DOCK7: variants seen among roughly 807,000 people sequenced by gnomAD.
The protein encoded by DOCK7 is dedicator of cytokinesis 7.
A neutral mutation model predicts 271.0 loss-of-function variants in DOCK7; 138 were observed. The observed-to-expected ratio is 0.51, with a 90% CI of 0.44 to 0.59. The LOEUF is 0.59. DOCK7 is among the 20% of genes least tolerant of loss of function. The pLI, the probability that DOCK7 is intolerant of heterozygous loss-of-function variation, is 0.00. For missense variants in DOCK7, 2,066 were observed against 2,592.4 expected, an observed-to-expected ratio of 0.80 and a Z score of 4.41; for synonymous variants, 823 against 876.1, an observed-to-expected ratio of 0.94 and a Z score of 1.07.
intron 1 of DOCK7, among the ~76,000 whole-genome samples, chr1:62,671,603 AT>A (rs1660012290): frequency 6.6e-6 from 1 of 152,196 alleles, no homozygotes; most frequent in Non-Finnish European, 1.5e-5. Flanking sequence ...TTCATAAGTG[AT>A]GTTGGTTTCT....
intron 31 of DOCK7, among the ~76,000 whole-genome samples, chr1:62,524,606 A>G (rs1411237718): frequency 6.6e-6 from 1 of 151,922 alleles, no homozygotes; most frequent in Non-Finnish European, 1.5e-5. Context: ...AAACTAAACT[A>G]CAGTATTTTG....
At chr1:62,642,386 G>C (rs1469994690) in intron 7 of DOCK7, among the ~76,000 whole-genome samples, 1 of 152,126 alleles carries the variant, frequency 6.6e-6, no homozygotes, top group Non-Finnish European at 1.5e-5. Context: ...TTATAGGCGT[G>C]AGCCACCGTG....
chr1:62,485,041 G>A, intron 43 of DOCK7: 2 of 599,874 alleles, frequency 3.3e-6, no homozygotes, highest in Non-Finnish European at 4.2e-6. Flanking sequence ...GGCTGAGGTG[G>A]GAAGATCACC....
intron 29 of DOCK7, among the ~76,000 whole-genome samples, chr1:62,534,474 G>A (rs942050418): frequency 2.0e-5 from 3 of 152,086 alleles, no homozygotes; most frequent in Non-Finnish European, 2.9e-5. Flanking sequence ...AATTAGCCGG[G>A]AGTGGTGGCA....
intron 33 of DOCK7, among the ~76,000 whole-genome samples, 167 bp downstream of exon 33, chr1:62,513,277 A>C (rs1644552718): frequency 9.1e-6 from 1 of 109,674 alleles, no homozygotes; most frequent in Admixed American, 1.3e-4. Context: ...CGGTATGCTG[A>C]CTCACCTAAA....
chr1:62,553,335 T>C (rs1645994313), intron 21 of DOCK7, among the ~76,000 whole-genome samples: 2 of 3,888 alleles, frequency 5.1e-4, no homozygotes, highest in Admixed American at 8.9e-3. Context: ...TATATATATA[T>C]ATATATATAT....
At chr1:62,485,334 G>T in intron 43 of DOCK7, 1 of 985,166 alleles carries the variant, frequency 1.0e-6, no homozygotes, top group South Asian at 4.7e-5. Flanking sequence ...AAGTTTTAGA[G>T]TTATCTTTCA....
At chr1:62,677,073 C>T (rs1001347535) in intron 1 of DOCK7, among the ~76,000 whole-genome samples, 4 of 152,214 alleles carry the variant, frequency 2.6e-5, no homozygotes, top group Admixed American at 1.3e-4. Context: ...TGTGGAACCA[C>T]TATAAATGAC....
chr1:62,651,333 G>C (rs1196337888), intron 4 of DOCK7, among the ~76,000 whole-genome samples: 4 of 148,000 alleles, frequency 2.7e-5, no homozygotes, highest in Admixed American at 1.4e-4. Flanking sequence ...ATAGCATTAG[G>C]AGATATACCT....
chr1:62,466,501 G>T (rs1249201827), intron 48 of DOCK7, among the ~76,000 whole-genome samples: 1 of 152,202 alleles, frequency 6.6e-6, no homozygotes, highest in African/African-American at 2.4e-5. Context: ...TGGGTGCTTT[G>T]TCCATGAAGT....
Position 62,487,428 on chromosome 1 carries a change from TA to T in DOCK7, c.5494-17del. On this transcript the variant is annotated splice_polypyrimidine_tract_variant and intron_variant, in intron 42 of 49. Transcript: ENST00000635253. ...AGCCAGTACTCTGTATAATAAAAAGTAAAAAAGGGCAAGTCATAAAAAAACT... is the reference window on the plus strand; with the variant it reads ...AGCCAGTACTCTGTATAATAAAAAGTAAAAAGGGCAAGTCATAAAAAAACT... The T allele has an allele frequency of 6.2e-7, 1 of 1,609,426 alleles. No homozygotes were observed. Among genetic ancestry groups the T allele is most frequent in the Non-Finnish European group, 8.5e-7 (1 of 1,177,218 alleles).
rs1322758993 is a variant in DOCK7 at position 62,648,500 on chromosome 1, T to G, written c.434A>C (p.Lys145Thr). The change falls in exon 5 of 50, where the codon AAA becomes ACA. Residue 145 changes from lysine (K) to threonine (T), a missense_variant. By Grantham distance (78) the Lys-to-Thr change is moderately conservative (BLOSUM62 -1). Coordinates refer to ENST00000635253, the MANE Select transcript of DOCK7 (RefSeq NM_001367561.1). ...GTGFNPNTLD[K>T]QKERQKGLPK... ...CAAACCTTTTTGCCTTTCTTTCTGTTTATCTAATGTATTGGGATTAAATCC... is the reference window on the plus strand; with the variant it reads ...CAAACCTTTTTGCCTTTCTTTCTGTGTATCTAATGTATTGGGATTAAATCC... The G allele has an allele frequency of 1.3e-6, 2 of 1,487,490 alleles. No homozygotes were observed. Among genetic ancestry groups the G allele is most frequent in the Non-Finnish European group, 1.8e-6 (2 of 1,103,184 alleles). The allele number at this position is 1,487,490 out of a possible 1,614,324, so 92.1% of individuals were successfully genotyped here. A position where few individuals can be genotyped will look rare whatever the true frequency, so the allele number is the denominator to read the frequency against.
chr1:62,476,787 A>C (rs1402913742), intron 44 of DOCK7, among the ~76,000 whole-genome samples: 1 of 152,206 alleles, frequency 6.6e-6, no homozygotes, highest in Non-Finnish European at 1.5e-5. Flanking sequence ...AGAAACCCCC[A>C]CTGCTATCCC....
At chr1:62,604,617 T>C (rs1650684340) in intron 14 of DOCK7, 3 of 1,612,074 alleles carry the variant, frequency 1.9e-6, no homozygotes, top group African/African-American at 1.3e-5. Flanking sequence ...TTAAATTGCA[T>C]ATCTATCTCC....
intron 31 of DOCK7, among the ~76,000 whole-genome samples, chr1:62,525,486 C>T (rs1290385231): frequency 1.3e-5 from 2 of 152,016 alleles, no homozygotes; most frequent in Non-Finnish European, 2.9e-5. Flanking sequence ...TGTTTTAAAA[C>T]CTCATTATGT....
chr1:62,680,729 T>G (rs1394943354), intron 1 of DOCK7, among the ~76,000 whole-genome samples: 2 of 151,582 alleles, frequency 1.3e-5, no homozygotes, highest in African/African-American at 2.4e-5. Flanking sequence ...GCAAAGGATA[T>G]GAACAGACAC....
chr1:62,548,455 C>G (rs1268897277), intron 22 of DOCK7, among the ~76,000 whole-genome samples: 2 of 145,398 alleles, frequency 1.4e-5, no homozygotes, highest in African/African-American at 5.1e-5. Flanking sequence ...GAGTCTAGCT[C>G]TGTTGCCCAG....
intron 33 of DOCK7, chr1:62,510,958 A>G: frequency 6.4e-6 from 2 of 313,716 alleles, no homozygotes; most frequent in Admixed American, 9.4e-5. Context: ...CATGGCTTAT[A>G]AGGCCTTACA....
intron 16 of DOCK7, among the ~76,000 whole-genome samples, chr1:62,580,980 C>A (rs564951811): frequency 6.6e-6 from 1 of 152,242 alleles, no homozygotes; most frequent in South Asian, 2.1e-4. Context: ...TGACTTACTG[C>A]CTATGGCTGT....
Sources: allele counts gnomAD v4.1 joint callset (sites outside exome capture counted in the v4.1 genomes callset), GRCh38; gene constraint gnomAD v4.1.1; transcripts MANE v1.5; gene names NCBI Gene and HGNC (gene_info 2026-07-23, HGNC 2026-07-21).